NTM: variants seen among roughly 807,000 people sequenced by gnomAD.
The protein encoded by NTM is neurotrimin.
Under a neutral mutation model 42.1 loss-of-function variants are expected in NTM, and 13 were observed. That is an observed-to-expected ratio of 0.31 (90% CI 0.20 to 0.49). The LOEUF is 0.49. Among genes scored for constraint, NTM ranks in the 20% least tolerant of loss-of-function variants. NTM has a pLI of 0.99. For synonymous variants in NTM, 187 were observed against 179.2 expected, an observed-to-expected ratio of 1.04 and a Z score of -0.35; for missense variants, 373 against 452.8, an observed-to-expected ratio of 0.82 and a Z score of 1.60.
At chr11:131,967,377 T>C (rs1309247461) in intron 2 of NTM, among the ~76,000 whole-genome samples, 1 of 152,182 alleles carries the variant, frequency 6.6e-6, no homozygotes, top group Non-Finnish European at 1.5e-5. Context: ...TTTTGGAGGA[T>C]AGGCATATCA....
At chr11:131,709,073 C>T (rs1376323509) in intron 1 of NTM, among the ~76,000 whole-genome samples, 1 of 152,074 alleles carries the variant, frequency 6.6e-6, no homozygotes, top group Non-Finnish European at 1.5e-5. Flanking sequence ...GCAAAGTTCT[C>T]TTTGCAGATA....
chr11:132,066,321 G>A lies in NTM; in HGVS notation c.168-79961G>A, dbSNP rs143292717. On this transcript the variant is annotated intron_variant, in intron 2 of 8. Coordinates refer to ENST00000683400, the MANE Select transcript of NTM (RefSeq NM_001352005.2). ...TCCAAGGCTTTTGCATTTTGCTTAC[G>A]TCTTTATTGTTGTCAGCCATCCCTG... Among the ~76,000 whole-genome samples the A allele has an allele frequency of 3.6e-3, 550 of 152,214 alleles. 5 individuals are homozygous for A. Among genetic ancestry groups the A allele is most frequent in the African/African-American group, 0.012 (506 of 41,528 alleles).
chr11:131,876,820 A>G (rs1032791341), intron 1 of NTM, among the ~76,000 whole-genome samples: 1 of 152,116 alleles, frequency 6.6e-6, no homozygotes. Flanking sequence ...GTAAAGTACT[A>G]TATGAGGAGA....
chr11:131,419,592 C>A (rs1048784237), intron 1 of NTM, among the ~76,000 whole-genome samples: 1 of 152,008 alleles, frequency 6.6e-6, no homozygotes, highest in Non-Finnish European at 1.5e-5. Context: ...CTGAAAGAAG[C>A]CATCGTGGCT....
rs1326729795 is a variant in NTM, at chr11:131,518,937, T to A, written c.82+148049T>A. ...ATTTCAGGGCATCTCAGATACAGCA[T>A]CCCACAAATGTCCTGTATTGTAGGT... On this transcript the variant is annotated intron_variant, in intron 1 of 8. Coordinates refer to ENST00000683400, the MANE Select transcript of NTM (RefSeq NM_001352005.2). Among the ~76,000 whole-genome samples, 6 of 152,364 alleles carry A rather than the reference T, an allele frequency of 3.9e-5. No individual in the cohort carries two copies. The East Asian group carries it at 9.6e-4, about 24-fold the overall frequency.
At chr11:131,819,896 G>A (rs1023411434) in intron 1 of NTM, among the ~76,000 whole-genome samples, 3 of 152,114 alleles carry the variant, frequency 2.0e-5, no homozygotes, top group African/African-American at 7.2e-5. Flanking sequence ...TGGACGTGTG[G>A]GCCGCTACTC....
intron 2 of NTM, among the ~76,000 whole-genome samples, chr11:132,046,417 A>G (rs1367409664): frequency 6.6e-6 from 1 of 152,120 alleles, no homozygotes; most frequent in Non-Finnish European, 1.5e-5. Flanking sequence ...TTACATAACA[A>G]CACAGCAATT....
intron 1 of NTM, among the ~76,000 whole-genome samples, chr11:131,502,317 C>T (rs939858107): frequency 6.6e-6 from 1 of 152,156 alleles, no homozygotes; most frequent in African/African-American, 2.4e-5. Flanking sequence ...GACGTGGGAT[C>T]TCACTGGACA....
intron 1 of NTM, among the ~76,000 whole-genome samples, chr11:131,516,525 G>A (rs1391754394): frequency 2.0e-5 from 3 of 152,082 alleles, no homozygotes; most frequent in Admixed American, 6.6e-5. Context: ...ATACAGGCAC[G>A]TACCACCATG....
intron 1 of NTM, among the ~76,000 whole-genome samples, chr11:131,638,966 CCAATT>C (rs1565361702): frequency 1.3e-5 from 2 of 152,070 alleles, no homozygotes; most frequent in Non-Finnish European, 2.9e-5. Context: ...TATAAATAAA[CCAATT>C]CAATCTTCAC....
rs145713171 is a variant in NTM at position 132,118,501 on chromosome 11, A to G, written c.168-27781A>G. Among the ~76,000 whole-genome samples the G allele has an allele frequency of 2.1e-3, 326 of 152,364 alleles. 1 individual carries two copies. Among genetic ancestry groups the G allele is most frequent in the African/African-American group, 7.3e-3 (302 of 41,596 alleles). Reference sequence around the variant, plus strand: ...GGAGGTGTTTTCATCGCAATCGCACAGCACATAAATGGCAGAGAGAAGAAA... The same window carrying G: ...GGAGGTGTTTTCATCGCAATCGCACGGCACATAAATGGCAGAGAGAAGAAA... On this transcript the variant is annotated intron_variant, in intron 2 of 8. Coordinates refer to ENST00000683400, the MANE Select transcript of NTM (RefSeq NM_001352005.2).
chr11:131,741,774 C>G (rs182264964), intron 1 of NTM, among the ~76,000 whole-genome samples: 1 of 152,142 alleles, frequency 6.6e-6, no homozygotes, highest in African/African-American at 2.4e-5. Context: ...ATGCTTCCTT[C>G]GATAGCTCAG....
rs1565552881 is a variant in NTM at position 131,789,625 on chromosome 11, GAAGAAGAAGAA to G, written c.83-121927_83-121917del. On this transcript the variant is annotated intron_variant, in intron 1 of 8. Coordinates refer to ENST00000683400, the MANE Select transcript of NTM (RefSeq NM_001352005.2). ...AGAAGAAGAAGAAGAAGAAGAAGAA[GAAGAAGAAGAA>G]AAGAAGAAGAAGAAGAAGAAGAAGA... 2.0e-4 allele frequency among the ~76,000 whole-genome samples: 17 copies of G among 85,606 alleles called. 2 individuals carry two copies. The highest frequency in any genetic ancestry group is 5.3e-4 in the African/African-American group (10 of 18,838). The allele number at this position is 85,606 out of a possible 152,430, so 56.2% of individuals were successfully genotyped here.
intron 1 of NTM, among the ~76,000 whole-genome samples, chr11:131,750,072 C>T (rs2135685561): frequency 6.6e-6 from 1 of 152,270 alleles, no homozygotes; most frequent in South Asian, 2.1e-4. Context: ...TTCCCCTGAC[C>T]TTAGGTGGAA....
chr11:131,821,259 C>T lies in NTM; in HGVS notation c.83-90305C>T, dbSNP rs372050315. Among the ~76,000 whole-genome samples, 5 of 152,318 alleles carry T rather than the reference C, an allele frequency of 3.3e-5. No homozygotes were observed. In the East Asian group the frequency reaches 5.8e-4, roughly 18 times the overall value. On this transcript the variant is annotated intron_variant, in intron 1 of 8. Transcript: ENST00000683400. ...TGGAACTGGGAACTCATTCCTGTTCCTACTTCCTTGGTAACTTTGTTTTCC... is the reference window on the plus strand; with the variant it reads ...TGGAACTGGGAACTCATTCCTGTTCTTACTTCCTTGGTAACTTTGTTTTCC...
At chr11:132,104,228 G>A (rs952943003) in intron 2 of NTM, among the ~76,000 whole-genome samples, 1 of 152,110 alleles carries the variant, frequency 6.6e-6, no homozygotes, top group African/African-American at 2.4e-5. Flanking sequence ...CTGTTATGGT[G>A]CATGCAACAG....
chr11:131,812,318 G>A (rs1017627681), intron 1 of NTM, among the ~76,000 whole-genome samples: 1 of 151,862 alleles, frequency 6.6e-6, no homozygotes, highest in Admixed American at 6.6e-5. Context: ...GAGGGTACGG[G>A]GAATTGAGGT....
At chr11:131,470,350 T>A (rs1442728467) in intron 1 of NTM, among the ~76,000 whole-genome samples, 2 of 152,216 alleles carry the variant, frequency 1.3e-5, no homozygotes, top group African/African-American at 2.4e-5. Flanking sequence ...TTTGTCTAAC[T>A]GTATTAGCCA....
chr11:131,728,829 G>T (rs2079275507), intron 1 of NTM, among the ~76,000 whole-genome samples: 1 of 152,156 alleles, frequency 6.6e-6, no homozygotes, highest in Admixed American at 6.5e-5. Flanking sequence ...CAGGTGACAA[G>T]TCCCTATACT....
Sources: gnomAD v4.1 joint callset for allele counts (sites outside exome capture counted in the v4.1 genomes callset) on GRCh38, gnomAD v4.1.1 for gene constraint, MANE v1.5 for transcripts, NCBI Gene and HGNC (gene_info 2026-07-23, HGNC 2026-07-21) for gene names.